The following PKIA variants were observed in gnomAD, a reference collection of about 807,000 sequenced individuals.
PKIA encodes PKI-alpha.
Under a neutral mutation model 7.6 loss-of-function variants are expected in PKIA, and 4 were observed. The observed-to-expected ratio is 0.52, with a 90% CI of 0.26 to 1.20. The LOEUF (loss-of-function observed/expected upper bound fraction) is 1.20. Ranked by LOEUF, PKIA falls within the 50% of genes most tolerant of loss-of-function variation. PKIA has a pLI of 0.13. For synonymous variants in PKIA, 21 were observed against 30.7 expected, an observed-to-expected ratio of 0.68 and a Z score of 1.04; for missense variants, 73 against 86.2, an observed-to-expected ratio of 0.85 and a Z score of 0.61.
Position 78,522,080 on chromosome 8 carries a change from G to A in PKIA, c.-157+5612G>A, listed in dbSNP as rs556303117. Among the ~76,000 whole-genome samples the A allele has an allele frequency of 1.4e-4, 21 of 151,948 alleles. 2 individuals are homozygous for A. The South Asian group carries it at 4.4e-3, about 31-fold the overall frequency. On this transcript the variant is annotated intron_variant, in intron 1 of 3. Transcript: ENST00000396418. ...CAAAATTTCATTCCCTTTTAAGGCT[G>A]AATACTATTTCATTGTATGTATATA... is the stretch of plus-strand genomic sequence containing the variant.
At chr8:78,559,905 C>T (rs748744980) in intron 1 of PKIA, among the ~76,000 whole-genome samples, 38 of 152,206 alleles carry the variant, frequency 2.5e-4, no homozygotes, top group Admixed American at 5.9e-4. Flanking sequence ...AAAGTGATAA[C>T]CTAGATCATC....
intron 2 of PKIA, among the ~76,000 whole-genome samples, chr8:78,584,171 G>A (rs1489784500): frequency 1.3e-5 from 2 of 152,026 alleles, no homozygotes; most frequent in Non-Finnish European, 2.9e-5. Context: ...AAGTGTGTGT[G>A]TGTGTGTATG....
intron 1 of PKIA, among the ~76,000 whole-genome samples, chr8:78,571,822 C>A (rs1807556230): frequency 6.6e-6 from 1 of 152,040 alleles, no homozygotes; most frequent in Non-Finnish European, 1.5e-5. Flanking sequence ...GGCCAATGTG[C>A]CTTTCAGGGT....
intron 2 of PKIA, among the ~76,000 whole-genome samples, chr8:78,592,327 T>C (rs534860976): frequency 6.6e-6 from 1 of 152,266 alleles, no homozygotes; most frequent in Admixed American, 6.5e-5. Flanking sequence ...AATAGATCTA[T>C]TGTCTAGGGA....
chr8:78,563,960 T>C (rs1173942569), intron 1 of PKIA, among the ~76,000 whole-genome samples: 1 of 152,082 alleles, frequency 6.6e-6, no homozygotes, highest in South Asian at 2.1e-4. Context: ...GAAAATGGAA[T>C]AACCACTACA....
chr8:78,521,485 A>T (rs1344317690), intron 1 of PKIA, among the ~76,000 whole-genome samples: 1 of 151,980 alleles, frequency 6.6e-6, no homozygotes, highest in African/African-American at 2.4e-5. Flanking sequence ...GCGTTCAAAG[A>T]GGTGTGACAA....
At chr8:78,559,647 A>G (rs1035955704) in intron 1 of PKIA, among the ~76,000 whole-genome samples, 1 of 152,222 alleles carries the variant, frequency 6.6e-6, no homozygotes, top group Non-Finnish European at 1.5e-5. Context: ...GATAGAGGCT[A>G]TGGAGCTGCT....
chr8:78,564,052 T>A (rs1278937663), intron 1 of PKIA, among the ~76,000 whole-genome samples: 1 of 151,964 alleles, frequency 6.6e-6, no homozygotes, highest in East Asian at 1.9e-4. Flanking sequence ...ATAAATGGAT[T>A]TGACAGTGGG....
chr8:78,555,492 T>C (rs911487651), intron 1 of PKIA, among the ~76,000 whole-genome samples: 1 of 152,084 alleles, frequency 6.6e-6, no homozygotes, highest in Non-Finnish European at 1.5e-5. Context: ...AAGACTCATC[T>C]TATAAGCCAT....
At chr8:78,551,588 C>T (rs1451383991) in intron 1 of PKIA, among the ~76,000 whole-genome samples, 1 of 151,734 alleles carries the variant, frequency 6.6e-6, no homozygotes, top group African/African-American at 2.4e-5. Flanking sequence ...AAGGATCATC[C>T]ACAAAATAAA....
At chr8:78,583,757 C>G in intron 2 of PKIA, among the ~76,000 whole-genome samples, 1 of 152,018 alleles carries the variant, frequency 6.6e-6, no homozygotes, top group Non-Finnish European at 1.5e-5. Flanking sequence ...TTGGCTTGAC[C>G]TAATCTATTA....
At chr8:78,600,119 A>T (rs1808319127) in intron 3 of PKIA, among the ~76,000 whole-genome samples, 1 of 151,766 alleles carries the variant, frequency 6.6e-6, no homozygotes, top group African/African-American at 2.4e-5. Flanking sequence ...CTCTTGCAAC[A>T]TTTTCTGTTT....
intron 2 of PKIA, among the ~76,000 whole-genome samples, chr8:78,590,429 A>T (rs1055921461): frequency 3.9e-5 from 6 of 152,182 alleles, no homozygotes; most frequent in Non-Finnish European, 8.8e-5. Context: ...AGCCATAATT[A>T]TCTGAAAAGG....
intron 1 of PKIA, among the ~76,000 whole-genome samples, chr8:78,547,599 T>G (rs1309664709): frequency 2.0e-5 from 3 of 152,212 alleles, no homozygotes; most frequent in Non-Finnish European, 4.4e-5. Flanking sequence ...GAATACTTGT[T>G]GCTAATTTGA....
intron 1 of PKIA, among the ~76,000 whole-genome samples, chr8:78,550,728 T>C (rs1806963000): frequency 6.6e-6 from 1 of 152,094 alleles, no homozygotes; most frequent in Non-Finnish European, 1.5e-5. Context: ...TATTCTTTAG[T>C]GGTGATTTGT....
chr8:78,586,717 A>G (rs1807957291), intron 2 of PKIA, among the ~76,000 whole-genome samples: 1 of 152,242 alleles, frequency 6.6e-6, no homozygotes, highest in Non-Finnish European at 1.5e-5. Context: ...TACATATTTA[A>G]AAAGAAATAT....
At chr8:78,564,738 T>C (rs1585903250) in intron 1 of PKIA, among the ~76,000 whole-genome samples, 1 of 151,832 alleles carries the variant, frequency 6.6e-6, no homozygotes, top group South Asian at 2.1e-4. Context: ...ATTTCAACAA[T>C]AAGAAAATGA....
At chr8:78,529,804 A>C (rs773857795) in intron 1 of PKIA, among the ~76,000 whole-genome samples, 4 of 152,070 alleles carry the variant, frequency 2.6e-5, no homozygotes, top group Non-Finnish European at 4.4e-5. Context: ...TGATGCATAC[A>C]TGGAGGAAAA....
intron 1 of PKIA, among the ~76,000 whole-genome samples, chr8:78,563,382 G>T (rs1175163127): frequency 1.3e-5 from 2 of 152,020 alleles, no homozygotes; most frequent in Admixed American, 6.6e-5. Flanking sequence ...ATTATTATGA[G>T]AATTAAATGT....
Sources: gnomAD v4.1 joint callset for allele counts (sites outside exome capture counted in the v4.1 genomes callset) on GRCh38, gnomAD v4.1.1 for gene constraint, MANE v1.5 for transcripts, NCBI Gene and HGNC (gene_info 2026-07-23, HGNC 2026-07-21) for gene names.